SHISA9: variants seen among roughly 807,000 people sequenced by gnomAD.
The protein encoded by SHISA9 is shisa family member 9, also known as protein shisa-9.
SHISA9 carries 13 observed loss-of-function variants against 38.0 expected under a neutral mutation model. The observed-to-expected ratio is 0.34, with a 90% confidence interval of 0.22 to 0.54. The LOEUF (loss-of-function observed/expected upper bound fraction) is 0.54, where lower values mean the gene tolerates loss of function less well. SHISA9 is among the 20% of genes least tolerant of loss of function. SHISA9 has a pLI of 0.91. For missense variants in SHISA9, 538 were observed against 575.8 expected (o/e 0.93, Z 0.67); for synonymous variants, 275 against 242.0 (o/e 1.14, Z -1.27).
chr16:13,319,098 T>C, the SHISA9 span, among the ~76,000 whole-genome samples: 2 of 152,206 alleles, frequency 1.3e-5, no homozygotes, highest in Non-Finnish European at 2.9e-5. Context: ...ACCACCGTTT[T>C]CCAGGTTCAA....
At chr16:13,176,885 T>C (rs762267077) in intron 2 of SHISA9, among the ~76,000 whole-genome samples, 25 of 152,094 alleles carry the variant, frequency 1.6e-4, no homozygotes, top group Non-Finnish European at 3.2e-4. Flanking sequence ...GTTGAGACAA[T>C]AATGAAGCCA....
At chr16:13,321,241 C>G in the SHISA9 span, among the ~76,000 whole-genome samples, 1 of 152,172 alleles carries the variant, frequency 6.6e-6, no homozygotes, top group South Asian at 2.1e-4. Context: ...CTAGCAGACT[C>G]TAGTATCTGT....
At chr16:13,336,245 T>G in the SHISA9 span, among the ~76,000 whole-genome samples, 3 of 152,234 alleles carry the variant, frequency 2.0e-5, no homozygotes, top group Non-Finnish European at 4.4e-5. Flanking sequence ...CATCCTTCTC[T>G]GTGTTAAAAA....
intron 2 of SHISA9, among the ~76,000 whole-genome samples, chr16:13,057,808 C>T (rs1418255771): frequency 6.6e-6 from 1 of 152,092 alleles, no homozygotes; most frequent in Non-Finnish European, 1.5e-5. Flanking sequence ...CTCTCTCCTC[C>T]CTACCACCAC....
chr16:13,194,092 C>T (rs190878321), intron 2 of SHISA9, among the ~76,000 whole-genome samples: 1 of 152,132 alleles, frequency 6.6e-6, no homozygotes, highest in African/African-American at 2.4e-5. Context: ...TTTTCCTTCT[C>T]ACATCCCCCC....
intron 2 of SHISA9, among the ~76,000 whole-genome samples, chr16:13,159,543 T>C (rs1360481423): frequency 6.6e-6 from 1 of 152,178 alleles, no homozygotes; most frequent in Non-Finnish European, 1.5e-5. Context: ...TGGAGTAAAA[T>C]TTCACTCAGC....
intron 2 of SHISA9, among the ~76,000 whole-genome samples, chr16:13,128,629 T>G (rs1215474538): frequency 2.0e-5 from 3 of 152,208 alleles, no homozygotes; most frequent in African/African-American, 7.2e-5. Context: ...TTAGTTAACA[T>G]TTTTATTCAT....
At chr16:13,169,189 C>T (rs1218716314) in intron 2 of SHISA9, among the ~76,000 whole-genome samples, 1 of 152,172 alleles carries the variant, frequency 6.6e-6, no homozygotes, top group Non-Finnish European at 1.5e-5. Context: ...CTCCCAGCTC[C>T]ATTGGAAGGT....
intron 1 of SHISA9, among the ~76,000 whole-genome samples, chr16:12,906,558 T>A (rs1457412534): frequency 6.6e-6 from 1 of 152,214 alleles, no homozygotes; most frequent in Non-Finnish European, 1.5e-5. Flanking sequence ...TTAGAATAAA[T>A]GACTGCACAT....
At chr16:13,550,580 C>G in the SHISA9 span, among the ~76,000 whole-genome samples, 2 of 152,176 alleles carry the variant, frequency 1.3e-5, no homozygotes, top group African/African-American at 4.8e-5. Flanking sequence ...AAGCAAGATT[C>G]TGTGGGTGAA....
At chr16:13,056,237 A>T (rs1281368622) in intron 2 of SHISA9, among the ~76,000 whole-genome samples, 1 of 152,248 alleles carries the variant, frequency 6.6e-6, no homozygotes, top group African/African-American at 2.4e-5. Context: ...TGCATGACAC[A>T]GCACTAAATG....
chr16:12,945,252 T>C (rs2071673519), intron 2 of SHISA9, among the ~76,000 whole-genome samples: 1 of 152,096 alleles, frequency 6.6e-6, no homozygotes, highest in South Asian at 2.1e-4. Flanking sequence ...CAGTGTCTGA[T>C]ACAGGACATC....
At chr16:12,936,350 A>G (rs765209854) in intron 2 of SHISA9, among the ~76,000 whole-genome samples, 1 of 152,196 alleles carries the variant, frequency 6.6e-6, no homozygotes, top group Non-Finnish European at 1.5e-5. Context: ...CTGGAGTAGG[A>G]GCCAGGTTGG....
intron 2 of SHISA9, among the ~76,000 whole-genome samples, chr16:13,090,225 T>C (rs766976805): frequency 7.2e-5 from 11 of 152,346 alleles, no homozygotes; most frequent in African/African-American, 2.6e-4. Flanking sequence ...CTTCCAATTA[T>C]GTGGTCAATT....
At chr16:13,451,139 C>T in the SHISA9 span, among the ~76,000 whole-genome samples, 1 of 152,180 alleles carries the variant, frequency 6.6e-6, no homozygotes, top group Non-Finnish European at 1.5e-5. Flanking sequence ...ATAGCTGCCC[C>T]AGCCCTATCA....
intron 4 of SHISA9, among the ~76,000 whole-genome samples, chr16:13,232,589 G>A (rs909959998): frequency 6.6e-6 from 1 of 152,146 alleles, no homozygotes; most frequent in Non-Finnish European, 1.5e-5. Context: ...AGGGTGGCTG[G>A]TCTGCAGCTT....
At chr16:13,464,600 C>T in the SHISA9 span, among the ~76,000 whole-genome samples, 182 of 152,092 alleles carry the variant, frequency 1.2e-3, no homozygotes, top group Non-Finnish European at 1.7e-3. Flanking sequence ...AAATTGCCTC[C>T]CTCTTTCCCA....
the SHISA9 span, among the ~76,000 whole-genome samples, chr16:13,424,582 A>C: frequency 6.6e-6 from 1 of 152,206 alleles, no homozygotes; most frequent in Non-Finnish European, 1.5e-5. Context: ...CTTAAGTCCA[A>C]ATCATATCCC....
At chr16:13,205,283 C>T (rs2051053439) in intron 3 of SHISA9, among the ~76,000 whole-genome samples, 1 of 152,212 alleles carries the variant, frequency 6.6e-6, no homozygotes, top group Admixed American at 6.5e-5. Flanking sequence ...CCAGGAAAAC[C>T]AAATCCTATT....
Sources: gnomAD v4.1 joint callset for allele counts (sites outside exome capture counted in the v4.1 genomes callset) on GRCh38, gnomAD v4.1.1 for gene constraint, MANE v1.5 for transcripts, NCBI Gene and HGNC (gene_info 2026-07-23, HGNC 2026-07-21) for gene names.